FAT3: variants seen among roughly 807,000 people sequenced by gnomAD.
FAT3 encodes protocadherin Fat 3.
Under a neutral mutation model 310.2 loss-of-function variants are expected in FAT3, and 95 were observed. That is an observed-to-expected ratio of 0.31 (90% CI 0.26 to 0.36). The LOEUF (loss-of-function observed/expected upper bound fraction) is 0.36. Among genes scored for constraint, FAT3 ranks in the 10% least tolerant of loss-of-function variants. FAT3 has a pLI of 1.00. For missense variants in FAT3, 5,408 were observed against 5,715.6 expected (o/e 0.95, Z 1.74); for synonymous variants, 2,314 against 2,192.9 (o/e 1.06, Z -1.54).
rs150296885 is a variant in FAT3 at position 92,487,853 on chromosome 11, C to T, written c.3293-36781C>T. 1.7e-3 allele frequency among the ~76,000 whole-genome samples: 258 copies of T among 152,306 alleles called. 1 individual carries two copies. Among genetic ancestry groups the T allele is most frequent in the African/African-American group, 6.0e-3 (248 of 41,578 alleles). On this transcript the variant is annotated intron_variant, in intron 2 of 27. Transcript: ENST00000525166. ...CTCAAACATGAGCATGCACCACAGT[C>T]ATCTGGAAGACTTGCCAAACACAGG...
intron 3 of FAT3, among the ~76,000 whole-genome samples, chr11:92,637,268 T>G (rs1393308839): frequency 6.6e-6 from 1 of 152,208 alleles, no homozygotes; most frequent in Non-Finnish European, 1.5e-5. Flanking sequence ...AGCATGAGAC[T>G]TCTTGCATAC....
At chr11:92,402,286 A>G (rs1421445952) in intron 2 of FAT3, among the ~76,000 whole-genome samples, 1 of 152,200 alleles carries the variant, frequency 6.6e-6, no homozygotes, top group Non-Finnish European at 1.5e-5. Flanking sequence ...TAAACCTTCC[A>G]AAACTGAAAT....
intron 1 of FAT3, among the ~76,000 whole-genome samples, chr11:92,226,248 C>T (rs951223383): frequency 7.9e-5 from 12 of 152,194 alleles, no homozygotes; most frequent in Admixed American, 2.0e-4. Flanking sequence ...TGATGGCGAG[C>T]CCGGATATTT....
intron 1 of FAT3, among the ~76,000 whole-genome samples, chr11:92,320,191 G>T (rs1947574712): frequency 6.6e-6 from 1 of 152,190 alleles, no homozygotes; most frequent in African/African-American, 2.4e-5. Flanking sequence ...GGCAAAAGCT[G>T]CAGTTACTTT....
intron 2 of FAT3, among the ~76,000 whole-genome samples, chr11:92,355,860 A>C (rs1948714635): frequency 6.6e-6 from 1 of 152,188 alleles, no homozygotes; most frequent in Admixed American, 6.5e-5. Context: ...ATATTGCATT[A>C]GTTGCTTGGT....
intron 6 of FAT3, among the ~76,000 whole-genome samples, chr11:92,768,374 T>G (rs766505295): frequency 6.6e-6 from 1 of 152,210 alleles, no homozygotes; most frequent in Non-Finnish European, 1.5e-5. Flanking sequence ...CACCAAATCT[T>G]TATTTCAGCG....
intron 1 of FAT3, among the ~76,000 whole-genome samples, chr11:92,255,542 T>C (rs1046503740): frequency 3.9e-5 from 6 of 152,046 alleles, no homozygotes; most frequent in African/African-American, 1.4e-4. Flanking sequence ...TTTTCACCAG[T>C]GGAGAGGAGC....
chr11:92,298,784 G>T (rs1479135475), intron 1 of FAT3, among the ~76,000 whole-genome samples: 3 of 152,072 alleles, frequency 2.0e-5, no homozygotes, highest in Admixed American at 2.0e-4. Context: ...TTTTGAACTT[G>T]TCAGCATATG....
At chr11:92,229,490 G>GTT in intron 1 of FAT3, among the ~76,000 whole-genome samples, 631 of 46,766 alleles carry the variant, frequency 0.013, 125 homozygotes, top group Middle Eastern at 0.036. Flanking sequence ...TTGTTTTTTC[G>GTT]TGTTTTTTTT....
intron 4 of FAT3, among the ~76,000 whole-genome samples, chr11:92,703,076 A>T (rs1944150847): frequency 6.6e-6 from 1 of 152,216 alleles, no homozygotes; most frequent in South Asian, 2.1e-4. Flanking sequence ...TAACAAACTC[A>T]TCCATTGTCC....
chr11:92,289,563 T>A (rs889899935), intron 1 of FAT3, among the ~76,000 whole-genome samples: 1 of 151,936 alleles, frequency 6.6e-6, no homozygotes, highest in Non-Finnish European at 1.5e-5. Context: ...TTTACATATA[T>A]ATGTGTAATC....
chr11:92,724,334 C>A (rs1225371030), intron 4 of FAT3, among the ~76,000 whole-genome samples: 2 of 152,262 alleles, frequency 1.3e-5, no homozygotes, highest in African/African-American at 4.8e-5. Context: ...AACTATAAAA[C>A]CTCTTGAGGT....
chr11:92,836,434 C>G (rs978867019), intron 15 of FAT3, 132 bp from the exon 16 acceptor site: 4 of 1,003,270 alleles, frequency 4.0e-6, no homozygotes, highest in Middle Eastern at 3.3e-4. Flanking sequence ...GGCGTGGTCA[C>G]TAACATTAGA....
intron 2 of FAT3, among the ~76,000 whole-genome samples, chr11:92,359,143 T>C (rs1249910551): frequency 2.0e-5 from 3 of 152,166 alleles, no homozygotes; most frequent in Admixed American, 1.3e-4. Flanking sequence ...TTTTCAAGCA[T>C]TTCCTCCTCA....
At chr11:92,464,107 G>A (rs575769349) in intron 2 of FAT3, among the ~76,000 whole-genome samples, 155 of 152,300 alleles carry the variant, frequency 1.0e-3, no homozygotes, top group African/African-American at 3.6e-3. Flanking sequence ...AGCCAGAAGT[G>A]TAAAGGATGA....
intron 1 of FAT3, among the ~76,000 whole-genome samples, chr11:92,325,831 C>T (rs374721700): frequency 1.3e-5 from 2 of 152,112 alleles, no homozygotes; most frequent in East Asian, 1.9e-4. Context: ...CGGGTTTCAC[C>T]GTGTTGGCGA....
intron 7 of FAT3, among the ~76,000 whole-genome samples, chr11:92,779,905 A>C (rs1399396141): frequency 6.6e-6 from 1 of 152,162 alleles, no homozygotes; most frequent in Non-Finnish European, 1.5e-5. Context: ...GCAACATGAC[A>C]AGGAATTAAC....
rs1173042447 is a variant in FAT3, at chr11:92,799,970, T to C, written c.6957T>C (p.Asn2319=). 1.2e-6 allele frequency: 2 copies of C among 1,613,280 alleles called. No individual in the cohort carries two copies. Among genetic ancestry groups the C allele is most frequent in the South Asian group, 1.1e-5 (1 of 90,986 alleles). ...CTATTGATGCAGACTCAGAAAACAA[T>C]AAAATGGTACATTATCAGATTGTCC... ...VVSIDADSEN[N]KMVHYQIVQD... The change falls in exon 10 of 28, where the codon AAT becomes AAC. Residue 2319 remains asparagine (N), a synonymous_variant. Coordinates refer to ENST00000525166, the MANE Select transcript of FAT3 (RefSeq NM_001367949.2).
At chr11:92,815,558 G>A (rs558138347) in intron 13 of FAT3, among the ~76,000 whole-genome samples, 4 of 152,092 alleles carry the variant, frequency 2.6e-5, no homozygotes, top group Non-Finnish European at 5.9e-5. Context: ...GGGAGACAGA[G>A]CGAGACTCCA....
Sources: gnomAD v4.1 joint callset for allele counts (sites outside exome capture counted in the v4.1 genomes callset) on GRCh38, gnomAD v4.1.1 for gene constraint, MANE v1.5 for transcripts, NCBI Gene and HGNC (gene_info 2026-07-23, HGNC 2026-07-21) for gene names.